The following RAP1GDS1 variants were observed in gnomAD, a reference collection of about 807,000 sequenced individuals.
RAP1GDS1 encodes RAP1, GTP-GDP dissociation stimulator 1.
A neutral mutation model predicts 71.1 loss-of-function variants in RAP1GDS1; 35 were observed. The observed-to-expected ratio is 0.49, with a 90% CI of 0.38 to 0.65. RAP1GDS1 has a LOEUF of 0.65. Ranked by LOEUF, RAP1GDS1 falls within the 30% of genes least tolerant of loss-of-function variation. The pLI, the probability that RAP1GDS1 is intolerant of heterozygous loss-of-function variation, is 0.00. For missense variants in RAP1GDS1, 663 were observed against 706.1 expected (o/e 0.94, Z 0.69); for synonymous variants, 229 against 243.1 (o/e 0.94, Z 0.54).
intron 7 of RAP1GDS1, chr4:98,409,480 G>A (rs1746693437): frequency 6.5e-6 from 1 of 154,514 alleles, no homozygotes; most frequent in South Asian, 2.0e-4. Flanking sequence ...AAGAGTCTAT[G>A]GTGTTACCCG....
chr4:98,269,656 C>T (rs1723176539), intron 1 of RAP1GDS1, among the ~76,000 whole-genome samples: 1 of 152,076 alleles, frequency 6.6e-6, no homozygotes, highest in African/African-American at 2.4e-5. Flanking sequence ...TTGAGGATCC[C>T]TAATTCAAAA....
chr4:98,442,327 C>A lies in RAP1GDS1; in HGVS notation c.*210C>A. The A allele has an allele frequency of 1.8e-6, 1 of 544,366 alleles. No homozygotes were observed. The highest frequency in any genetic ancestry group is 3.0e-6 in the Non-Finnish European group (1 of 333,270). 33.7% of individuals were successfully genotyped at this position (544,366 alleles called of 1,614,324 possible). A position where few individuals can be genotyped will look rare whatever the true frequency, so the allele number is the denominator to read the frequency against. ...ACTTTGTCAAAGGCAAGTCTCCACC[C>A]ATAACCGTTCTCTTGTATTCCTGTT... On this transcript the variant is annotated 3_prime_UTR_variant, in exon 15 of 15. Coordinates refer to ENST00000408927, the MANE Select transcript of RAP1GDS1 (RefSeq NM_001100427.2).
chr4:98,420,162 C>T lies in RAP1GDS1; in HGVS notation c.1300+18C>T, dbSNP rs1748606795. 3 of 1,491,836 alleles carry T rather than the reference C, an allele frequency of 2.0e-6. No homozygotes were observed. Among genetic ancestry groups the T allele is most frequent in the African/African-American group, 2.8e-5 (2 of 71,560 alleles). The allele number at this position is 1,491,836 out of a possible 1,614,324, so 92.4% of individuals were successfully genotyped here. A position where few individuals can be genotyped will look rare whatever the true frequency, so the allele number is the denominator to read the frequency against. On this transcript the variant is annotated intron_variant, in intron 11 of 14. Coordinates refer to ENST00000408927, the MANE Select transcript of RAP1GDS1 (RefSeq NM_001100427.2). The stretch of plus-strand genomic sequence containing the variant: ...TGCACAAGGTAAAAGAAATGTTTTC[C>T]CCAACTTGCATTTTTCATATGATAG...
intron 7 of RAP1GDS1, among the ~76,000 whole-genome samples, chr4:98,405,181 A>G (rs960665020): frequency 6.6e-6 from 1 of 152,190 alleles, no homozygotes. Context: ...GATTCAAAAC[A>G]GGTGTGCTTA....
At chr4:98,402,032 C>G (rs1255748527) in intron 6 of RAP1GDS1, among the ~76,000 whole-genome samples, 6 of 152,102 alleles carry the variant, frequency 3.9e-5, no homozygotes, top group Non-Finnish European at 4.4e-5. Flanking sequence ...GAGGGATAAC[C>G]AACAAAGTTC....
intron 2 of RAP1GDS1, among the ~76,000 whole-genome samples, chr4:98,316,701 G>A (rs970545074): frequency 1.6e-4 from 25 of 152,138 alleles, no homozygotes; most frequent in Non-Finnish European, 1.8e-4. Flanking sequence ...ATATTTTTGA[G>A]CTAAGAAAAT....
At chr4:98,404,639 T>C in intron 7 of RAP1GDS1, 37 bp downstream of exon 7, 7 of 1,580,242 alleles carry the variant, frequency 4.4e-6, no homozygotes, top group African/African-American at 1.4e-5. Context: ...TTTTTGATCA[T>C]GTATGCTTTA....
At chr4:98,399,200 C>T (rs192472417) in intron 6 of RAP1GDS1, among the ~76,000 whole-genome samples, 123 of 151,892 alleles carry the variant, frequency 8.1e-4, no homozygotes, top group African/African-American at 2.9e-3. Context: ...ACACAGGCAA[C>T]GAAAGCAAAA....
At chr4:98,278,037 G>A (rs745577850) in intron 1 of RAP1GDS1, among the ~76,000 whole-genome samples, 1 of 152,130 alleles carries the variant, frequency 6.6e-6, no homozygotes, top group African/African-American at 2.4e-5. Flanking sequence ...GACCAGAGTG[G>A]CCAACACGGC....
chr4:98,391,671 G>A (rs907035488), intron 5 of RAP1GDS1, among the ~76,000 whole-genome samples: 3 of 151,946 alleles, frequency 2.0e-5, no homozygotes, highest in Non-Finnish European at 2.9e-5. Context: ...CTTTTTAATG[G>A]TATAAGACCC....
intron 1 of RAP1GDS1, among the ~76,000 whole-genome samples, chr4:98,264,320 C>A (rs936737054): frequency 6.6e-6 from 1 of 151,880 alleles, no homozygotes; most frequent in African/African-American, 2.4e-5. Context: ...CACTTGAACC[C>A]GGGAGGCGGA....
At chr4:98,430,607 C>T (rs1031827125) in intron 12 of RAP1GDS1, among the ~76,000 whole-genome samples, 2 of 152,110 alleles carry the variant, frequency 1.3e-5, no homozygotes, top group South Asian at 2.1e-4. Context: ...CTAAAGAAAC[C>T]TCTTTAATTT....
intron 7 of RAP1GDS1, among the ~76,000 whole-genome samples, chr4:98,415,029 G>T (rs564321560): frequency 6.6e-6 from 1 of 152,066 alleles, no homozygotes; most frequent in Non-Finnish European, 1.5e-5. Context: ...TCTGTTGTTG[G>T]TGTATAAGAA....
chr4:98,337,387 A>G (rs755678496), intron 2 of RAP1GDS1, among the ~76,000 whole-genome samples: 11 of 152,228 alleles, frequency 7.2e-5, no homozygotes, highest in Non-Finnish European at 1.0e-4. Flanking sequence ...AATCAGGTCA[A>G]AATATAGTCA....
intron 7 of RAP1GDS1, among the ~76,000 whole-genome samples, chr4:98,415,175 C>G (rs913346086): frequency 1.3e-5 from 2 of 152,220 alleles, no homozygotes; most frequent in African/African-American, 2.4e-5. Flanking sequence ...GAATATGGCT[C>G]TATTCTGCCT....
At chr4:98,275,607 T>C (rs1439930403) in intron 1 of RAP1GDS1, among the ~76,000 whole-genome samples, 1 of 152,184 alleles carries the variant, frequency 6.6e-6, no homozygotes, top group Non-Finnish European at 1.5e-5. Context: ...AAAGTATGTA[T>C]GGGCTGTGGA....
At chr4:98,427,872 A>T (rs542691722) in intron 12 of RAP1GDS1, among the ~76,000 whole-genome samples, 2 of 152,306 alleles carry the variant, frequency 1.3e-5, no homozygotes, top group Admixed American at 6.5e-5. Context: ...TCTAAAATTC[A>T]TATGGAACCA....
chr4:98,405,838 A>G (rs915968692), intron 7 of RAP1GDS1, among the ~76,000 whole-genome samples: 1 of 152,108 alleles, frequency 6.6e-6, no homozygotes, highest in South Asian at 2.1e-4. Context: ...AAAAAACGGT[A>G]GATATATAGG....
At chr4:98,390,681 CTGTA>C (rs1743479334) in intron 5 of RAP1GDS1, among the ~76,000 whole-genome samples, 2 of 152,162 alleles carry the variant, frequency 1.3e-5, no homozygotes, top group South Asian at 4.1e-4. Context: ...TAGCTCAACT[CTGTA>C]TGTTCTTTTC....
Sources: gnomAD v4.1 joint callset for allele counts (sites outside exome capture counted in the v4.1 genomes callset) on GRCh38, gnomAD v4.1.1 for gene constraint, MANE v1.5 for transcripts, NCBI Gene and HGNC (gene_info 2026-07-23, HGNC 2026-07-21) for gene names.